KCNB2: variants seen among roughly 807,000 people sequenced by gnomAD.
The protein encoded by KCNB2 is potassium voltage-gated channel subfamily B member 2, also known as delayed rectifier potassium channel protein.
KCNB2 carries 15 observed loss-of-function variants against 61.5 expected under a neutral mutation model. The observed-to-expected ratio is 0.24, with a 90% CI of 0.16 to 0.38. KCNB2 has a LOEUF of 0.38. Among genes scored for constraint, KCNB2 ranks in the 10% least tolerant of loss-of-function variants. KCNB2 has a pLI of 1.00. For missense variants in KCNB2, 828 were observed against 1,125.2 expected (o/e 0.74, Z 3.78); for synonymous variants, 457 against 446.0 (o/e 1.02, Z -0.31).
At chr8:72,578,495 A>G (rs531180825) in intron 2 of KCNB2, among the ~76,000 whole-genome samples, 1 of 152,212 alleles carries the variant, frequency 6.6e-6, no homozygotes, top group Non-Finnish European at 1.5e-5. Flanking sequence ...TTATATAAGT[A>G]AAGTAATTGC....
intron 2 of KCNB2, among the ~76,000 whole-genome samples, chr8:72,767,518 T>G (rs771576102): frequency 1.3e-5 from 2 of 149,998 alleles, no homozygotes; most frequent in Admixed American, 1.3e-4. Flanking sequence ...CTCAGTATAA[T>G]GTTTTTAAGG....
At chr8:72,874,675 G>A (rs758573948) in intron 2 of KCNB2, among the ~76,000 whole-genome samples, 13 of 152,172 alleles carry the variant, frequency 8.5e-5, no homozygotes, top group East Asian at 5.8e-4. Context: ...CTCAGCTGCC[G>A]GAACCAAACA....
intron 2 of KCNB2, among the ~76,000 whole-genome samples, chr8:72,752,028 A>G (rs947134278): frequency 1.3e-5 from 2 of 152,214 alleles, no homozygotes; most frequent in Non-Finnish European, 2.9e-5. Flanking sequence ...TCAGGATTCA[A>G]ATGATTGGGT....
At chr8:72,865,942 C>T (rs192500357) in intron 2 of KCNB2, among the ~76,000 whole-genome samples, 38 of 152,286 alleles carry the variant, frequency 2.5e-4, no homozygotes, top group Non-Finnish European at 2.9e-5. Flanking sequence ...GTCTCTCACC[C>T]TATACTATGA....
At chr8:72,796,776 T>A (rs899520305) in intron 2 of KCNB2, among the ~76,000 whole-genome samples, 1 of 152,210 alleles carries the variant, frequency 6.6e-6, no homozygotes, top group Non-Finnish European at 1.5e-5. Flanking sequence ...TTCGATCTTA[T>A]AGTAGCTAAA....
intron 2 of KCNB2, among the ~76,000 whole-genome samples, chr8:72,745,186 C>T (rs1268825791): frequency 1.3e-5 from 2 of 152,190 alleles, no homozygotes; most frequent in African/African-American, 4.8e-5. Context: ...AGAAAAGCTG[C>T]ACTAATAAAA....
At chr8:72,810,429 G>A (rs1257695276) in intron 2 of KCNB2, among the ~76,000 whole-genome samples, 1 of 152,234 alleles carries the variant, frequency 6.6e-6, no homozygotes, top group African/African-American at 2.4e-5. Context: ...TGCTGTGGTG[G>A]AGGCTTTGTC....
intron 2 of KCNB2, among the ~76,000 whole-genome samples, chr8:72,903,573 C>T (rs139349846): frequency 1.2e-3 from 177 of 152,240 alleles, no homozygotes; most frequent in African/African-American, 3.7e-3. Flanking sequence ...AGAGTGAGAC[C>T]TTGGCTCAAA....
intron 2 of KCNB2, among the ~76,000 whole-genome samples, chr8:72,840,757 T>C (rs1809868271): frequency 6.6e-6 from 1 of 152,226 alleles, no homozygotes; most frequent in Admixed American, 6.5e-5. Flanking sequence ...ATGGCATTTT[T>C]TTTTCTTGTA....
Position 72,663,317 on chromosome 8 carries a change from G to A in KCNB2, c.579+95004G>A, listed in dbSNP as rs147806754. Among the ~76,000 whole-genome samples the A allele has an allele frequency of 5.3e-5, 8 of 152,220 alleles. No homozygotes were observed. In the East Asian group the frequency reaches 1.5e-3, roughly 29 times the overall value. ...CAAGTAGGGTGCTTTGGTTGAATAT[G>A]GAATATATGTTGGATGTCATCAGAG... On this transcript the variant is annotated intron_variant, in intron 2 of 2. Coordinates refer to ENST00000523207, the MANE Select transcript of KCNB2 (RefSeq NM_004770.3).
At chr8:72,722,941 AG>A (rs1807575479) in intron 2 of KCNB2, among the ~76,000 whole-genome samples, 1 of 152,222 alleles carries the variant, frequency 6.6e-6, no homozygotes, top group Non-Finnish European at 1.5e-5. Context: ...ATCATTAGAA[AG>A]AGCTCTGTCT....
intron 2 of KCNB2, among the ~76,000 whole-genome samples, chr8:72,792,052 A>G (rs1563386504): frequency 6.6e-6 from 1 of 152,208 alleles, no homozygotes; most frequent in Non-Finnish European, 1.5e-5. Context: ...TACTATAGCA[A>G]TCCAATGAGG....
intron 2 of KCNB2, among the ~76,000 whole-genome samples, chr8:72,714,700 A>G (rs1220816916): frequency 6.6e-6 from 1 of 152,220 alleles, no homozygotes; most frequent in African/African-American, 2.4e-5. Context: ...CAGCCACTGT[A>G]AAAACATGCC....
chr8:72,890,150 A>G (rs536780357), intron 2 of KCNB2, among the ~76,000 whole-genome samples: 11 of 152,356 alleles, frequency 7.2e-5, no homozygotes, highest in African/African-American at 2.4e-4. Flanking sequence ...CTACAGTTCT[A>G]TAACATTCTC....
At chr8:72,867,740 A>T (rs1805551786) in intron 2 of KCNB2, among the ~76,000 whole-genome samples, 1 of 152,208 alleles carries the variant, frequency 6.6e-6, no homozygotes, top group Non-Finnish European at 1.5e-5. Flanking sequence ...CACATACTAG[A>T]CATGGTATGA....
intron 2 of KCNB2, among the ~76,000 whole-genome samples, chr8:72,588,049 G>T (rs1807027188): frequency 6.6e-6 from 1 of 152,132 alleles, no homozygotes; most frequent in South Asian, 2.1e-4. Context: ...CCATTCTCCT[G>T]ATTTTTGGAC....
chr8:72,938,111 A>G lies in KCNB2; in HGVS notation c.*20A>G, dbSNP rs1327433102. ...ATGTGACTAGTTACAAAAGCAATAA[A>G]TTGAAACAAAACAAAACAAAACAAA... is the stretch of plus-strand genomic sequence containing the variant. On this transcript the variant is annotated 3_prime_UTR_variant, in exon 3 of 3. Transcript: ENST00000523207. 6.5e-7 allele frequency: 1 copy of G among 1,544,470 alleles called. No homozygotes were observed. Among genetic ancestry groups the G allele is most frequent in the Non-Finnish European group, 8.8e-7 (1 of 1,138,008 alleles).
intron 2 of KCNB2, among the ~76,000 whole-genome samples, chr8:72,570,383 A>G (rs1025873768): frequency 6.6e-6 from 1 of 152,140 alleles, no homozygotes; most frequent in Admixed American, 6.5e-5. Context: ...ATGTTTATTT[A>G]TATGTCTACA....
At chr8:72,835,253 T>C (rs1809762489) in intron 2 of KCNB2, among the ~76,000 whole-genome samples, 1 of 152,214 alleles carries the variant, frequency 6.6e-6, no homozygotes, top group Non-Finnish European at 1.5e-5. Context: ...CAAATAATGA[T>C]TTTTATTTTA....
Sources: gnomAD v4.1 joint callset for allele counts (sites outside exome capture counted in the v4.1 genomes callset) on GRCh38, gnomAD v4.1.1 for gene constraint, MANE v1.5 for transcripts, NCBI Gene and HGNC (gene_info 2026-07-23, HGNC 2026-07-21) for gene names.